PHIP: variants seen among roughly 807,000 people sequenced by gnomAD.
PHIP encodes PH-interacting protein.
Under a neutral mutation model 236.8 loss-of-function variants are expected in PHIP, and 54 were observed. The observed-to-expected ratio is 0.23, with a 90% CI of 0.18 to 0.29. PHIP has a LOEUF of 0.29. Ranked by LOEUF, PHIP falls within the 10% of genes least tolerant of loss-of-function variation. The pLI, the probability that PHIP is intolerant of heterozygous loss-of-function variation, is 1.00. For synonymous variants in PHIP, 756 were observed against 718.9 expected (o/e 1.05, Z -0.83); for missense variants, 1,370 against 2,190.8 (o/e 0.63, Z 7.48).
intron 15 of PHIP, 45 bp downstream of exon 15, chr6:79,015,037 C>T: frequency 3.3e-6 from 5 of 1,535,480 alleles, no homozygotes; most frequent in Non-Finnish European, 4.5e-6. Context: ...TGTCAAAAAG[C>T]TCCCAAATCT....
intron 24 of PHIP, among the ~76,000 whole-genome samples, chr6:78,975,698 G>A (rs958978980): frequency 1.3e-4 from 20 of 152,076 alleles, no homozygotes; most frequent in Admixed American, 6.5e-4. Context: ...AAATCAATGT[G>A]CAAAAATCAC....
chr6:79,043,431 G>C lies in PHIP; in HGVS notation c.440-428C>G, dbSNP rs186851892. ...TACTTTTCATAAATCAGTAACACTT[G>C]AACACTCGAAATCTGACATGCAGAA... On this transcript the variant is annotated intron_variant, in intron 6 of 39. Coordinates refer to ENST00000275034, the MANE Select transcript of PHIP (RefSeq NM_017934.7). Among the ~76,000 whole-genome samples, 7 of 152,236 alleles carry C rather than the reference G, an allele frequency of 4.6e-5. No individual in the cohort carries two copies. The East Asian group carries it at 1.3e-3, about 29-fold the overall frequency.
intron 15 of PHIP, among the ~76,000 whole-genome samples, chr6:79,014,845 AC>A (rs1770764856): frequency 6.6e-6 from 1 of 151,790 alleles, no homozygotes. Context: ...CACTGCTAAA[AC>A]TGATAAAACT....
At chr6:79,073,769 T>A (rs1368594509) in intron 4 of PHIP, among the ~76,000 whole-genome samples, 1 of 152,122 alleles carries the variant, frequency 6.6e-6, no homozygotes, top group Non-Finnish European at 1.5e-5. Context: ...TTTGGGGCAT[T>A]TTACAACGTA....
chr6:79,075,274 G>A (rs1394110957), intron 4 of PHIP, among the ~76,000 whole-genome samples: 1 of 152,054 alleles, frequency 6.6e-6, no homozygotes, highest in Non-Finnish European at 1.5e-5. Flanking sequence ...CAGTTTGATG[G>A]ATGAGAAAGC....
rs537775373 is a variant in PHIP at position 78,939,894 on chromosome 6, C to A, written c.*799G>T. ...ATAACTTGCTCTTTAGAATATATAG[C>A]CTTTCCAATATTGAAAAGTGTATGC... On this transcript the variant is annotated 3_prime_UTR_variant, in exon 40 of 40. Transcript: ENST00000275034. The A allele has an allele frequency of 1.1e-3, 172 of 152,520 alleles. 1 individual carries two copies. The highest frequency in any genetic ancestry group is 4.0e-3 in the African/African-American group (166 of 41,520). The allele number at this position is 152,520 out of a possible 1,614,324, so 9.4% of individuals were successfully genotyped here. A position where few individuals can be genotyped will look rare whatever the true frequency, so the allele number is the denominator to read the frequency against.
At chr6:79,050,209 C>T (rs1425585514) in intron 6 of PHIP, among the ~76,000 whole-genome samples, 1 of 152,042 alleles carries the variant, frequency 6.6e-6, no homozygotes, top group Non-Finnish European at 1.5e-5. Flanking sequence ...AGGAAAAAGG[C>T]TACAGAACAC....
intron 7 of PHIP, among the ~76,000 whole-genome samples, chr6:79,030,527 T>G (rs1213785281): frequency 1.3e-5 from 2 of 152,234 alleles, no homozygotes; most frequent in Non-Finnish European, 2.9e-5. Context: ...TAATTGAGTT[T>G]TAAATGCCTG....
intron 24 of PHIP, among the ~76,000 whole-genome samples, chr6:78,972,168 C>A (rs188754205): frequency 0.031 from 4,741 of 152,156 alleles, 87 homozygotes; most frequent in Middle Eastern, 0.058. Flanking sequence ...TCCCAGTACG[C>A]AGCTGGAGAT....
In PHIP at chr6:79,065,201, A is replaced by T. The variant is rs147673903; in HGVS notation, c.190-4383T>A. ...CCTTTCCCATATGCACTCATGCCCC[A>T]TTCAAATCTATTCTCTATACTGCAA... On this transcript the variant is annotated intron_variant, in intron 4 of 39. Coordinates refer to ENST00000275034, the MANE Select transcript of PHIP (RefSeq NM_017934.7). 1.7e-3 allele frequency among the ~76,000 whole-genome samples: 264 copies of T among 152,320 alleles called. 1 individual carries two copies. Among genetic ancestry groups the T allele is most frequent in the African/African-American group, 6.0e-3 (250 of 41,562 alleles).
intron 4 of PHIP, among the ~76,000 whole-genome samples, chr6:79,072,913 C>T (rs1353870597): frequency 6.6e-6 from 1 of 152,160 alleles, no homozygotes; most frequent in Non-Finnish European, 1.5e-5. Flanking sequence ...ACTACCACTA[C>T]TAAAGTTCTG....
Position 78,937,268 on chromosome 6 carries a change from A to G in PHIP, c.*3425T>C, listed in dbSNP as rs1001938862. The stretch of plus-strand genomic sequence containing the variant: ...TTTGAGAGAGATATACAGTAGGTAT[A>G]TATGTATAAAATGGAATGTCAGAAT... On this transcript the variant is annotated 3_prime_UTR_variant, in exon 40 of 40. Transcript: ENST00000275034. 2 of 151,802 alleles carry G rather than the reference A, an allele frequency of 1.3e-5. No individual in the cohort carries two copies. The highest frequency in any genetic ancestry group is 4.8e-5 in the African/African-American group (2 of 41,446). The allele number at this position is 151,802 out of a possible 1,614,324, so 9.4% of individuals were successfully genotyped here.
rs1012272386 is a variant in PHIP, at chr6:78,937,185, T to C, written c.*3508A>G. The C allele has an allele frequency of 6.6e-6, 1 of 151,716 alleles. No individual in the cohort carries two copies. Among genetic ancestry groups the C allele is most frequent in the Non-Finnish European group, 1.5e-5 (1 of 67,666 alleles). 9.4% of individuals were successfully genotyped at this position (151,716 alleles called of 1,614,324 possible). ...AAATAAATTTCAGGTAACAAAAACA[T>C]TCAGAATATATCCGTTTTCATTAGA... On this transcript the variant is annotated 3_prime_UTR_variant, in exon 40 of 40. Coordinates refer to ENST00000275034, the MANE Select transcript of PHIP (RefSeq NM_017934.7).
At chr6:78,962,950 C>T in intron 30 of PHIP, 147 bp downstream of exon 30, 2 of 634,084 alleles carry the variant, frequency 3.2e-6, no homozygotes, top group East Asian at 2.8e-5. Flanking sequence ...GTGTTAAGAC[C>T]ACATTCAAAA....
intron 35 of PHIP, among the ~76,000 whole-genome samples, chr6:78,950,917 G>C (rs1172078522): frequency 2.0e-5 from 3 of 151,990 alleles, no homozygotes; most frequent in African/African-American, 7.2e-5. Context: ...CTAGGTTCTT[G>C]AGGAGTGAGC....
chr6:78,941,111 C>T lies in PHIP; in HGVS notation c.5048G>A (p.Arg1683Lys), dbSNP rs1289236846. 6.2e-7 allele frequency: 1 copy of T among 1,613,910 alleles called. No individual in the cohort carries two copies. The highest frequency in any genetic ancestry group is 1.7e-5 in the Admixed American group (1 of 60,014). Residue 1683 changes from arginine (R) to lysine (K), a missense_variant, in exon 40 of 40, where the codon AGA becomes AAA. This residue lies in a region of PHIP where 309 missense variants were observed against 328.3 expected (regional missense o/e 0.94). Transcript: ENST00000275034. ...TGTTGAAGAAGGAAGTACTTCATCTCTGATGGGATGCACATTATTTTGCTC... is the reference window on the plus strand; with the variant it reads ...TGTTGAAGAAGGAAGTACTTCATCTTTGATGGGATGCACATTATTTTGCTC... ...DLEQNNVHPI[R>K]DEVLPSSTCN...
chr6:78,988,402 TTAGTTTAAAAGTTAA>T, intron 20 of PHIP, 53 bp from the exon 21 acceptor site: 1 of 1,370,166 alleles, frequency 7.3e-7, no homozygotes, highest in Non-Finnish European at 9.8e-7. Flanking sequence ...AGCAGGATTT[TTAGTTTAAAAGTTAA>T]AATTTTTTAA....
At chr6:78,991,732 TATC>T (rs1266572249) in intron 19 of PHIP, among the ~76,000 whole-genome samples, 1 of 152,124 alleles carries the variant, frequency 6.6e-6, no homozygotes, top group Non-Finnish European at 1.5e-5. Flanking sequence ...ATATTAATGT[TATC>T]ATGTTACTTA....
chr6:79,075,193 C>G (rs201923023), intron 4 of PHIP, among the ~76,000 whole-genome samples: 2 of 152,070 alleles, frequency 1.3e-5, no homozygotes, highest in East Asian at 3.9e-4. Flanking sequence ...TCCAGTGTTC[C>G]AAATGTTTTT....
Sources: gnomAD v4.1 joint callset for allele counts (sites outside exome capture counted in the v4.1 genomes callset) on GRCh38, gnomAD v4.1.1 for gene constraint, gnomAD v4.1.1 regional missense constraint, MANE v1.5 for transcripts, NCBI Gene and HGNC (gene_info 2026-07-23, HGNC 2026-07-21) for gene names.